The following DNAH7 variants were observed in gnomAD, a reference collection of about 807,000 sequenced individuals.
The protein encoded by DNAH7 is dynein axonemal heavy chain 7.
Under a neutral mutation model 444.6 loss-of-function variants are expected in DNAH7, and 397 were observed. That is an observed-to-expected ratio of 0.89 (90% CI 0.82 to 0.97). DNAH7 has a LOEUF of 0.97. DNAH7 is among the 50% of genes least tolerant of loss of function. DNAH7 has a pLI of 0.00. For synonymous variants in DNAH7, 1,636 were observed against 1,624.4 expected, an observed-to-expected ratio of 1.01 and a Z score of -0.17; for missense variants, 4,902 against 4,800.8, an observed-to-expected ratio of 1.02 and a Z score of -0.62.
Position 195,888,789 on chromosome 2 carries a change from G to A in DNAH7, c.5229+10C>T, listed in dbSNP as rs753843284. On this transcript the variant is annotated intron_variant, in intron 32 of 64. Coordinates refer to ENST00000312428, the MANE Select transcript of DNAH7 (RefSeq NM_018897.3). ...TAATTTATAAAAAGATGTCAAAATG[G>A]AGAACTTACAGTGGCAGGGGAAGCA... 1 of 1,603,420 alleles carries A rather than the reference G, an allele frequency of 6.2e-7. No homozygotes were observed. The highest frequency in any genetic ancestry group is 8.5e-7 in the Non-Finnish European group (1 of 1,175,968).
chr2:195,976,136 A>G (rs1443595122), intron 15 of DNAH7, among the ~76,000 whole-genome samples: 2 of 151,928 alleles, frequency 1.3e-5, no homozygotes, highest in Admixed American at 1.3e-4. Flanking sequence ...GGGATCCCCA[A>G]TTCCAGGCCT....
chr2:195,775,621 T>C (rs1427316174), intron 60 of DNAH7, among the ~76,000 whole-genome samples: 1 of 147,534 alleles, frequency 6.8e-6, no homozygotes, highest in African/African-American at 2.5e-5. Flanking sequence ...TTAAAGAATA[T>C]ATCTGGGTTC....
chr2:195,847,474 G>A (rs2125018781), intron 46 of DNAH7, among the ~76,000 whole-genome samples: 1 of 151,854 alleles, frequency 6.6e-6, no homozygotes, highest in South Asian at 2.1e-4. Flanking sequence ...GGGAGCAATA[G>A]ACACTGGGGC....
chr2:196,056,913 A>G (rs1412958500), intron 2 of DNAH7, among the ~76,000 whole-genome samples: 1 of 152,176 alleles, frequency 6.6e-6, no homozygotes, highest in Admixed American at 6.5e-5. Context: ...TTGTTCCATA[A>G]AAGATTTAAG....
At chr2:196,015,286 G>T (rs1482431731) in intron 9 of DNAH7, among the ~76,000 whole-genome samples, 1 of 152,014 alleles carries the variant, frequency 6.6e-6, no homozygotes, top group Admixed American at 6.6e-5. Flanking sequence ...GTTAGGTTAA[G>T]CATCTTTTTA....
chr2:195,948,597 G>C (rs1004423339), intron 19 of DNAH7, among the ~76,000 whole-genome samples: 1 of 152,176 alleles, frequency 6.6e-6, no homozygotes, highest in Admixed American at 6.5e-5. Context: ...AGATCAGATG[G>C]TTGTAGATGT....
chr2:196,047,863 T>C (rs947544425), intron 4 of DNAH7, among the ~76,000 whole-genome samples: 1 of 151,988 alleles, frequency 6.6e-6, no homozygotes, highest in African/African-American at 2.4e-5. Flanking sequence ...TAATATTAAC[T>C]GTAATCAATC....
intron 61 of DNAH7, among the ~76,000 whole-genome samples, chr2:195,768,195 T>G (rs1694674200): frequency 6.8e-6 from 1 of 146,148 alleles, no homozygotes; most frequent in African/African-American, 2.5e-5. Flanking sequence ...ATATCTTTTA[T>G]ATATATATTA....
chr2:195,960,199 CATTA>C (rs1690989511), intron 18 of DNAH7, 57 bp downstream of exon 18: 1 of 1,361,618 alleles, frequency 7.3e-7, no homozygotes, highest in African/African-American at 1.5e-5. Context: ...AAGAACTTTA[CATTA>C]AACACAAGTG....
chr2:195,857,490 GATATTC>G lies in DNAH7; in HGVS notation c.8295_8300del (p.Met2765_Asn2766del). The G allele has an allele frequency of 6.2e-7, 1 of 1,613,348 alleles. No individual in the cohort carries two copies. The highest frequency in any genetic ancestry group is 1.1e-5 in the South Asian group (1 of 90,860). ...GATTTGGAATATAATTTTTTCTTAT[GATATTC>G]ATATAAGCTGGAGGAATATTGTCCT... On this transcript the variant is annotated inframe_deletion, in exon 44 of 65. Coordinates refer to ENST00000312428, the MANE Select transcript of DNAH7 (RefSeq NM_018897.3).
At chr2:195,908,691 T>C (rs1270367831) in intron 25 of DNAH7, among the ~76,000 whole-genome samples, 1 of 152,170 alleles carries the variant, frequency 6.6e-6, no homozygotes. Flanking sequence ...GATGGACACT[T>C]AGGTTGATTC....
intron 59 of DNAH7, among the ~76,000 whole-genome samples, chr2:195,776,655 T>C (rs1695078953): frequency 6.6e-6 from 1 of 152,132 alleles, no homozygotes. Flanking sequence ...CTGATTATTC[T>C]GTTTACTCTT....
At chr2:195,912,767 G>A (rs1357464424) in intron 24 of DNAH7, among the ~76,000 whole-genome samples, 1 of 152,188 alleles carries the variant, frequency 6.6e-6, no homozygotes, top group Non-Finnish European at 1.5e-5. Context: ...ACTTCTTTCT[G>A]TTTTCTCCCC....
intron 54 of DNAH7, among the ~76,000 whole-genome samples, 178 bp downstream of exon 54, chr2:195,806,562 T>C (rs1696720472): frequency 6.6e-6 from 1 of 152,176 alleles, no homozygotes. Context: ...TGATTTAGGA[T>C]GGTTTTAGAA....
At chr2:196,023,922 G>A (rs1306115318) in intron 8 of DNAH7, among the ~76,000 whole-genome samples, 1 of 152,156 alleles carries the variant, frequency 6.6e-6, no homozygotes, top group Non-Finnish European at 1.5e-5. Context: ...AGGAAAGGAG[G>A]AGAAATGGGG....
intron 47 of DNAH7, among the ~76,000 whole-genome samples, chr2:195,840,499 A>C (rs1345154854): frequency 6.6e-6 from 1 of 151,726 alleles, no homozygotes; most frequent in African/African-American, 2.4e-5. Context: ...AGCCCTTGTC[A>C]GTGCAATAAG....
chr2:196,046,860 C>T (rs73987679), intron 5 of DNAH7, among the ~76,000 whole-genome samples: 5,792 of 152,218 alleles, frequency 0.038, 254 homozygotes, highest in African/African-American at 0.1. Context: ...TAGCACAAAG[C>T]GGTGTGGAAA....
In DNAH7 at chr2:196,000,855, C is replaced by A. The variant is rs114266575; in HGVS notation, c.1202G>T (p.Gly401Val). 538 of 1,582,058 alleles carry A rather than the reference C, an allele frequency of 3.4e-4. 1 individual carries two copies. The African/African-American group carries it at 5.6e-3, about 16-fold the overall frequency. ...PDSVRAFEHPGFIMRLILDND... is the reference protein window; with the variant it reads ...PDSVRAFEHPVFIMRLILDND... ...ATCAAGAATCAGCCTCATGATGAAA[C>A]CTGGATGTTCAAAAGCTCTAACAGA... The change falls in exon 12 of 65, where the codon GGT (glycine) becomes GTT (valine). Residue 401 changes from glycine to valine, a missense_variant. Physicochemically the swap from Gly to Val is moderately radical, Grantham distance 109. Transcript: ENST00000312428.
chr2:195,923,720 C>T lies in DNAH7; in HGVS notation c.3700G>A (p.Val1234Ile), dbSNP rs764826384. The stretch of plus-strand genomic sequence containing the variant: ...AGTACCACAAGTGCTCCCAGAGTTA[C>T]GCGATTCTGCATGGACAATTTGCCA... ...VRGKLSMQNR[V>I]TLGALVVLDV... Residue 1234 changes from valine (V) to isoleucine (I), a missense_variant, in exon 23 of 65, where the codon GTA becomes ATA. Physicochemically the swap from Val to Ile is conservative, Grantham distance 29 (BLOSUM62 3). Transcript: ENST00000312428. The T allele has an allele frequency of 4.2e-5, 67 of 1,613,958 alleles. No individual in the cohort carries two copies. Among genetic ancestry groups the T allele is most frequent in the Non-Finnish European group, 4.9e-5 (58 of 1,180,006 alleles).
Sources: gnomAD v4.1 joint callset for allele counts (sites outside exome capture counted in the v4.1 genomes callset) on GRCh38, gnomAD v4.1.1 for gene constraint, MANE v1.5 for transcripts, NCBI Gene and HGNC (gene_info 2026-07-23, HGNC 2026-07-21) for gene names.